Variants in HLCS observed in about 807,000 individuals in gnomAD.
The protein encoded by HLCS is biotin--protein ligase.
Under a neutral mutation model 75.0 loss-of-function variants are expected in HLCS, and 53 were observed. That is an observed-to-expected ratio of 0.71 (90% confidence interval 0.57 to 0.89). HLCS has a LOEUF of 0.89. Ranked by LOEUF, HLCS falls within the 40% of genes least tolerant of loss-of-function variation. The pLI is 0.00. For missense variants in HLCS, 966 were observed against 1,074.0 expected (o/e 0.90, Z 1.41); for synonymous variants, 431 against 428.6 (o/e 1.01, Z -0.07).
chr21:36,955,347 T>A (rs1416595571), intron 2 of HLCS, among the ~76,000 whole-genome samples: 1 of 152,152 alleles, frequency 6.6e-6, no homozygotes, highest in East Asian at 1.9e-4. Context: ...ATTCCAGTGC[T>A]TGGTGAGGGC....
intron 4 of HLCS, among the ~76,000 whole-genome samples, chr21:36,932,237 A>G (rs957598833): frequency 2.0e-5 from 3 of 152,202 alleles, no homozygotes; most frequent in African/African-American, 7.2e-5. Flanking sequence ...GCCTTTATTT[A>G]GAAGTCTGGT....
chr21:36,944,320 A>G (rs895793973), intron 2 of HLCS, among the ~76,000 whole-genome samples: 1 of 152,206 alleles, frequency 6.6e-6, no homozygotes, highest in African/African-American at 2.4e-5. Flanking sequence ...CTAGAACAGG[A>G]GAAACTAATT....
chr21:36,937,078 C>G lies in HLCS; in HGVS notation c.808G>C (p.Ala270Pro). 6.2e-7 allele frequency: 1 copy of G among 1,614,156 alleles called. No individual in the cohort carries two copies. The highest frequency in any genetic ancestry group is 8.5e-7 in the Non-Finnish European group (1 of 1,180,030). ...AGGTCTGGAATGTTCTCGGCAGACGCAAACTTGACTGACTCAATGGTGCTG... is the reference window on the plus strand; with the variant it reads ...AGGTCTGGAATGTTCTCGGCAGACGGAAACTTGACTGACTCAATGGTGCTG... ...ENSTIESVKF[A>P]SAENIPDLPY... The change falls in exon 4 of 11, where the codon GCG becomes CCG. Residue 270 changes from alanine (A) to proline (P), a missense_variant. Ala to Pro is a conservative substitution (Grantham distance 27). Transcript: ENST00000674895.
Position 36,754,440 on chromosome 21 carries a change from G to A in HLCS, c.2451-23C>T, listed in dbSNP as rs199557412. The A allele has an allele frequency of 1.4e-3, 2,304 of 1,606,180 alleles. 6 individuals carry two copies. Among genetic ancestry groups the A allele is most frequent in the Non-Finnish European group, 1.8e-3 (2,127 of 1,178,896 alleles). The stretch of plus-strand genomic sequence containing the variant: ...CCACTGAAAAGGAAGAACAGCGTGC[G>A]GTCACTGGGAGGTGTCACAGGACGA... On this transcript the variant is annotated intron_variant, in intron 10 of 10. Transcript: ENST00000674895.
At chr21:36,837,502 A>T in intron 6 of HLCS, among the ~76,000 whole-genome samples, 1 of 152,230 alleles carries the variant, frequency 6.6e-6, no homozygotes, top group African/African-American at 2.4e-5. Flanking sequence ...AAAGTGTCTG[A>T]ATTATAAATC....
At chr21:36,796,392 C>T (rs185472489) in intron 6 of HLCS, among the ~76,000 whole-genome samples, 1 of 152,290 alleles carries the variant, frequency 6.6e-6, no homozygotes, top group Non-Finnish European at 1.5e-5. Context: ...TTGGTAATTT[C>T]AGTAGCCCTA....
chr21:36,874,593 C>T (rs992353106), intron 6 of HLCS, among the ~76,000 whole-genome samples: 4 of 152,184 alleles, frequency 2.6e-5, no homozygotes, highest in African/African-American at 9.7e-5. Flanking sequence ...CAACTTTGTT[C>T]TAAATTACTT....
At chr21:36,771,500 G>A (rs2060206050) in intron 6 of HLCS, among the ~76,000 whole-genome samples, 1 of 152,116 alleles carries the variant, frequency 6.6e-6, no homozygotes, top group Admixed American at 6.5e-5. Flanking sequence ...GTTCACCACA[G>A]CATTACTGAT....
rs386394699 is a variant in HLCS at position 36,962,793 on chromosome 21, CAA to C, written c.196-625_196-624del. Among the ~76,000 whole-genome samples, 88 of 80,222 alleles carry C rather than the reference CAA, an allele frequency of 1.1e-3. No homozygotes were observed. The East Asian group carries it at 0.012, about 11-fold the overall frequency. The allele number at this position is 80,222 out of a possible 152,430, so 52.6% of individuals were successfully genotyped here. On this transcript the variant is annotated intron_variant, in intron 1 of 10. Coordinates refer to ENST00000674895, the MANE Select transcript of HLCS (RefSeq NM_001352514.2). ...TGGGTGACAGAGTGAGACCCTATCTCAAAAAAAAAAAAAAAAAAAAAAGATGA... is the reference window on the plus strand; with the variant it reads ...TGGGTGACAGAGTGAGACCCTATCTCAAAAAAAAAAAAAAAAAAAAGATGA...
intron 6 of HLCS, among the ~76,000 whole-genome samples, chr21:36,809,371 C>T (rs575455678): frequency 6.6e-6 from 1 of 152,306 alleles, no homozygotes; most frequent in South Asian, 2.1e-4. Flanking sequence ...TCAAGATTTG[C>T]TCTTCAACTT....
chr21:36,774,416 C>A (rs1431995673), intron 6 of HLCS, among the ~76,000 whole-genome samples: 1 of 152,050 alleles, frequency 6.6e-6, no homozygotes, highest in Non-Finnish European at 1.5e-5. Context: ...TCTCCAGTCA[C>A]CTATAAAATG....
chr21:36,895,067 C>A (rs2064959633), intron 6 of HLCS, among the ~76,000 whole-genome samples: 1 of 152,052 alleles, frequency 6.6e-6, no homozygotes, highest in Non-Finnish European at 1.5e-5. Flanking sequence ...TGACGCGCTG[C>A]CCTCTTGGTG....
intron 6 of HLCS, among the ~76,000 whole-genome samples, chr21:36,817,380 G>A (rs1462757557): frequency 3.9e-5 from 6 of 152,014 alleles, no homozygotes; most frequent in African/African-American, 9.7e-5. Flanking sequence ...CTGGGTTTTC[G>A]TCTTTTAAAA....
At chr21:36,770,908 A>C (rs2060184738) in intron 6 of HLCS, among the ~76,000 whole-genome samples, 1 of 152,196 alleles carries the variant, frequency 6.6e-6, no homozygotes, top group Admixed American at 6.5e-5. Flanking sequence ...TAAGACCAAA[A>C]GGTCCGTTTT....
chr21:36,856,516 T>C (rs571739865), intron 6 of HLCS, among the ~76,000 whole-genome samples: 1 of 152,292 alleles, frequency 6.6e-6, no homozygotes, highest in African/African-American at 2.4e-5. Context: ...ACGGCTTCTA[T>C]GGGTCGAAAA....
intron 6 of HLCS, among the ~76,000 whole-genome samples, chr21:36,792,424 G>T (rs1311527173): frequency 7.4e-6 from 1 of 135,832 alleles, no homozygotes; most frequent in East Asian, 2.6e-4. Flanking sequence ...TCTTTCCTTC[G>T]ATTTACCCTG....
intron 6 of HLCS, among the ~76,000 whole-genome samples, chr21:36,790,068 T>C (rs1485812888): frequency 6.6e-6 from 1 of 152,204 alleles, no homozygotes. Context: ...GGCTTAAAAG[T>C]ACCTGTTTCA....
At chr21:36,885,856 C>T (rs528604807) in intron 6 of HLCS, among the ~76,000 whole-genome samples, 2 of 152,166 alleles carry the variant, frequency 1.3e-5, no homozygotes, top group East Asian at 3.9e-4. Flanking sequence ...TTTAAGTAGA[C>T]TATTACCAGC....
chr21:36,923,586 C>T (rs116923449), intron 5 of HLCS, among the ~76,000 whole-genome samples: 1,890 of 152,316 alleles, frequency 0.012, 15 homozygotes, highest in Middle Eastern at 0.02. Context: ...AGCGTTTGTG[C>T]AGATTTCCCA....
Sources: gnomAD v4.1 joint callset for allele counts (sites outside exome capture counted in the v4.1 genomes callset) on GRCh38, gnomAD v4.1.1 for gene constraint, MANE v1.5 for transcripts, NCBI Gene and HGNC (gene_info 2026-07-23, HGNC 2026-07-21) for gene names.